CYP2A6: variants seen among roughly 807,000 people sequenced by gnomAD.
CYP2A6 encodes cytochrome P450 family 2 subfamily A member 6, also known as cytochrome P450 2A6.
In CYP2A6, 27 loss-of-function variants were observed where a neutral mutation model predicts 42.3. That is an observed-to-expected ratio of 0.64 (90% CI 0.47 to 0.88). CYP2A6 has a LOEUF of 0.88. CYP2A6 is among the 40% of genes least tolerant of loss of function. The pLI is 0.00. For missense variants in CYP2A6, 628 were observed against 646.0 expected (o/e 0.97, Z 0.30); for synonymous variants, 238 against 246.3 (o/e 0.97, Z 0.31).
intron 4 of CYP2A6, among the ~76,000 whole-genome samples, chr19:40,847,361 C>T (rs1967118601): frequency 6.6e-6 from 1 of 151,476 alleles, no homozygotes; most frequent in African/African-American, 2.4e-5. Flanking sequence ...AGTTGGAAGA[C>T]ACCTGTCCAG....
At chr19:40,849,220 G>C (rs1568516375) in intron 2 of CYP2A6, among the ~76,000 whole-genome samples, 1 of 151,168 alleles carries the variant, frequency 6.6e-6, no homozygotes. Flanking sequence ...GAGAGTGATG[G>C]AGGAAGAGGA....
At chr19:40,846,510 A>T (rs1332192545) in intron 5 of CYP2A6, among the ~76,000 whole-genome samples, 1 of 150,550 alleles carries the variant, frequency 6.6e-6, no homozygotes, top group Non-Finnish European at 1.5e-5. Context: ...CAATTAATTA[A>T]TTTTTTTTGA....
At chr19:40,845,269 T>G in intron 7 of CYP2A6, 25 bp downstream of exon 7, 3 of 1,610,936 alleles carry the variant, frequency 1.9e-6, no homozygotes, top group Non-Finnish European at 2.5e-6. Flanking sequence ...GTCCCCGTAG[T>G]CTGGGGGGTG....
At chr19:40,849,085 A>AGAGG (rs1967173864) in intron 2 of CYP2A6, among the ~76,000 whole-genome samples, 2 of 147,474 alleles carry the variant, frequency 1.4e-5, no homozygotes, top group South Asian at 2.2e-4. Context: ...AGAGAGAGAG[A>AGAGG]GAGACCAGGT....
chr19:40,844,579 G>A, intron 8 of CYP2A6, 52 bp downstream of exon 8: 2 of 1,610,506 alleles, frequency 1.2e-6, no homozygotes, highest in East Asian at 2.3e-5. Flanking sequence ...GAGGGTGAGG[G>A]AGGCCCCTGC....
At position 40,848,724 on chromosome 19, in the gene CYP2A6, C is replaced by A. The variant is rs4986891; in HGVS notation, c.383G>T (p.Arg128Leu). 421 of 1,611,714 alleles carry A rather than the reference C, an allele frequency of 2.6e-4. 7 individuals carry two copies. In the African/African-American group the frequency reaches 4.5e-3, roughly 17 times the overall value. The part of the protein sequence containing the change: ...FSNGERAKQL[R>L]RFSIATLRDF... ...CCGCAGGGTGGCGATGGAGAAGCGCCGGAGCTGCTTGGCGCGCTCCCCGTT... is the reference window on the plus strand; with the variant it reads ...CCGCAGGGTGGCGATGGAGAAGCGCAGGAGCTGCTTGGCGCGCTCCCCGTT... The change falls in exon 3 of 9, where the codon CGG becomes CTG. Residue 128 changes from arginine (R) to leucine (L), a missense_variant. This residue lies in a region of CYP2A6 where 606 missense variants were observed against 568.1 expected (regional missense o/e 1.07). Coordinates refer to ENST00000301141, the MANE Select transcript of CYP2A6 (RefSeq NM_000762.6).
intron 4 of CYP2A6, among the ~76,000 whole-genome samples, chr19:40,847,397 G>A (rs1447268823): frequency 1.5e-4 from 22 of 151,466 alleles, no homozygotes; most frequent in Non-Finnish European, 1.5e-5. Flanking sequence ...GGTGGGGCTG[G>A]TATGAGGTGA....
At chr19:40,848,473 A>G in intron 3 of CYP2A6, 94 bp from the exon 4 acceptor site, 1 of 1,587,572 alleles carries the variant, frequency 6.3e-7, no homozygotes, top group Non-Finnish European at 8.6e-7. Context: ...TTGTTGAGCC[A>G]AATTCCCAGC....
At chr19:40,848,864 A>T in intron 2 of CYP2A6, 101 bp from the exon 3 acceptor site, 5 of 1,290,168 alleles carry the variant, frequency 3.9e-6, no homozygotes, top group East Asian at 3.7e-5. Flanking sequence ...GAGAGGGAGT[A>T]GGGTGGGAGA....
rs114558780 is a variant in CYP2A6, at chr19:40,845,322, G to T, written c.1133C>A (p.Thr378Asn). Residue 378 changes from threonine (T) to asparagine (N), a missense_variant, in exon 7 of 9, where the codon ACC becomes AAC. Physicochemically the swap from Thr to Asn is moderately conservative, Grantham distance 65 (BLOSUM62 0). Coordinates refer to ENST00000301141, the MANE Select transcript of CYP2A6 (RefSeq NM_000762.6). The stretch of plus-strand genomic sequence containing the variant: ...AGGGAGGAAGAAATCCCGAAACTTG[G>T]TGTCCTTTTTGACTCTGCGGGCCAA... Reference protein sequence around the residue: ...MSLARRVKKDTKFRDFFLPKG... With the variant: ...MSLARRVKKDNKFRDFFLPKG... 5.0e-6 allele frequency: 8 copies of T among 1,611,450 alleles called. No individual in the cohort carries two copies. Among genetic ancestry groups the T allele is most frequent in the South Asian group, 1.1e-5 (1 of 90,906 alleles).
chr19:40,843,608 C>G lies in CYP2A6; in HGVS notation c.*188G>C, dbSNP rs2083440687. ...AATGTAAGGGTTTCCTTCCTCTCAT[C>G]CCAGCTCGGAAGCACCTTATCAAGG... On this transcript the variant is annotated 3_prime_UTR_variant, in exon 9 of 9. Coordinates refer to ENST00000301141, the MANE Select transcript of CYP2A6 (RefSeq NM_000762.6). 9.9e-7 allele frequency: 1 copy of G among 1,009,074 alleles called. No homozygotes were observed. Among genetic ancestry groups the G allele is most frequent in the Admixed American group, 3.1e-5 (1 of 32,112 alleles). 62.5% of individuals were successfully genotyped at this position (1,009,074 alleles called of 1,614,324 possible).
intron 4 of CYP2A6, among the ~76,000 whole-genome samples, chr19:40,847,670 A>G (rs1415761758): frequency 1.3e-5 from 2 of 151,528 alleles, no homozygotes; most frequent in Non-Finnish European, 2.9e-5. Context: ...CTGTCTAGAT[A>G]TTTATGTGTT....
At chr19:40,849,082 GAGAGAGAC>G in intron 2 of CYP2A6, among the ~76,000 whole-genome samples, 1 of 146,312 alleles carries the variant, frequency 6.8e-6, no homozygotes, top group African/African-American at 2.5e-5. Flanking sequence ...GAGAGAGAGA[GAGAGAGAC>G]CAGGTTTAAA....
intron 5 of CYP2A6, among the ~76,000 whole-genome samples, 174 bp downstream of exon 5, chr19:40,846,701 C>G (rs557383130): frequency 6.6e-6 from 1 of 151,366 alleles, no homozygotes; most frequent in Non-Finnish European, 1.5e-5. Context: ...CCACCTGCCT[C>G]GGCCTCCCAA....
chr19:40,849,054 GAGAGAGAGAGA>G (rs1967171333), intron 2 of CYP2A6, among the ~76,000 whole-genome samples: 1 of 122,172 alleles, frequency 8.2e-6, no homozygotes, highest in Admixed American at 7.9e-5. Context: ...AGGAGAGAGA[GAGAGAGAGAGA>G]GAGAGAGAGA....
At position 40,848,977 on chromosome 19, in the gene CYP2A6, A is replaced by AG. The variant is rs1491511682; in HGVS notation, c.344-215_344-214insC. ...GAGAGAGAGAGAGAGAGAGAGAGAG[A>AG]AGAGAGAGAGGAGAGAGAGAGAGAG... On this transcript the variant is annotated intron_variant, in intron 2 of 8. Transcript: ENST00000301141. Among the ~76,000 whole-genome samples, 376 of 73,668 alleles carry AG rather than the reference A, an allele frequency of 5.1e-3. 14 individuals are homozygous for AG. Among genetic ancestry groups the AG allele is most frequent in the African/African-American group, 0.019 (323 of 17,182 alleles). 48.3% of individuals were successfully genotyped at this position (73,668 alleles called of 152,430 possible).
chr19:40,844,545 C>T (rs2083445656), intron 8 of CYP2A6, 86 bp downstream of exon 8: 1 of 1,604,782 alleles, frequency 6.2e-7, no homozygotes, highest in Non-Finnish European at 8.5e-7. Context: ...GGAGAAATAC[C>T]AGGCTACACC....
chr19:40,844,450 C>T (rs1324514883), intron 8 of CYP2A6, among the ~76,000 whole-genome samples, 181 bp downstream of exon 8: 2 of 151,310 alleles, frequency 1.3e-5, no homozygotes, highest in Non-Finnish European at 1.5e-5. Flanking sequence ...TTTCATTTTA[C>T]CTGGGCGCAG....
Position 40,844,621 on chromosome 19 carries a change from G to T in CYP2A6, c.1303+10C>A. Reference sequence around the variant, plus strand: ...GAGCCGTGGCCTGGCAGCAAACAGTGGTCTCTTACCGATGGAAAAGGGCAC... The same window carrying T: ...GAGCCGTGGCCTGGCAGCAAACAGTTGTCTCTTACCGATGGAAAAGGGCAC... On this transcript the variant is annotated intron_variant, in intron 8 of 8. Coordinates refer to ENST00000301141, the MANE Select transcript of CYP2A6 (RefSeq NM_000762.6). The T allele has an allele frequency of 2.5e-6, 4 of 1,611,296 alleles. No homozygotes were observed. Among genetic ancestry groups the T allele is most frequent in the Non-Finnish European group, 3.4e-6 (4 of 1,179,748 alleles).
Sources: allele counts gnomAD v4.1 joint callset (sites outside exome capture counted in the v4.1 genomes callset), GRCh38; gene constraint gnomAD v4.1.1; regional missense constraint gnomAD v4.1.1; transcripts MANE v1.5; gene names NCBI Gene and HGNC (gene_info 2026-07-23, HGNC 2026-07-21).